Variants in WWOX observed in about 807,000 individuals in gnomAD.
The protein encoded by WWOX is WW domain containing oxidoreductase.
A neutral mutation model predicts 46.2 loss-of-function variants in WWOX; 69 were observed. The observed-to-expected ratio is 1.49, with a 90% CI of 1.23 to 1.82. The LOEUF (loss-of-function observed/expected upper bound fraction) is 1.82. Ranked by LOEUF, WWOX falls within the 40% of genes most tolerant of loss-of-function variation. The pLI is 0.00. For missense variants in WWOX, 919 were observed against 542.6 expected (o/e 1.69, Z -6.89); for synonymous variants, 359 against 202.6 (o/e 1.77, Z -6.56).
At chr16:78,812,358 G>C (rs1277229693) in intron 8 of WWOX, among the ~76,000 whole-genome samples, 2 of 152,050 alleles carry the variant, frequency 1.3e-5, no homozygotes, top group Non-Finnish European at 2.9e-5. Context: ...GATTTAACAT[G>C]ACAGGTCTTA....
chr16:78,607,070 G>C (rs2151625486), intron 8 of WWOX, among the ~76,000 whole-genome samples: 1 of 152,236 alleles, frequency 6.6e-6, no homozygotes, highest in East Asian at 1.9e-4. Flanking sequence ...TGGTGGCCAA[G>C]GGGCTGTGGA....
chr16:78,346,222 G>T (rs57599899), intron 5 of WWOX, among the ~76,000 whole-genome samples: 1 of 120,150 alleles, frequency 8.3e-6, no homozygotes, highest in African/African-American at 2.8e-5. Context: ...CATTGTCATT[G>T]GTGAGTAGTA....
intron 8 of WWOX, among the ~76,000 whole-genome samples, chr16:78,508,199 C>A (rs964370198): frequency 2.0e-5 from 3 of 151,596 alleles, no homozygotes; most frequent in African/African-American, 7.3e-5. Context: ...TTAGTAGAGA[C>A]AGGGTTTCGC....
chr16:78,859,784 T>C (rs751424829), intron 8 of WWOX, among the ~76,000 whole-genome samples: 11 of 152,178 alleles, frequency 7.2e-5, no homozygotes, highest in Middle Eastern at 3.2e-3. Context: ...TGGACATCGA[T>C]AGTTAAGTTT....
intron 5 of WWOX, among the ~76,000 whole-genome samples, chr16:78,170,386 C>A (rs1426924462): frequency 1.3e-5 from 2 of 152,076 alleles, no homozygotes; most frequent in Non-Finnish European, 2.9e-5. Context: ...AAGTCTTAAC[C>A]CATTGTGGAA....
intron 6 of WWOX, among the ~76,000 whole-genome samples, chr16:78,409,496 C>T (rs1170394626): frequency 3.3e-5 from 5 of 152,064 alleles, no homozygotes; most frequent in African/African-American, 1.2e-4. Flanking sequence ...GGATTCCTTC[C>T]CATAGCATAA....
chr16:78,406,614 G>C (rs2082553039), intron 6 of WWOX, among the ~76,000 whole-genome samples: 1 of 148,578 alleles, frequency 6.7e-6, no homozygotes. Flanking sequence ...CTTCCAAAGT[G>C]CTGGGATATA....
intron 8 of WWOX, among the ~76,000 whole-genome samples, chr16:79,086,587 A>C (rs1233456297): frequency 1.3e-5 from 2 of 152,168 alleles, no homozygotes; most frequent in African/African-American, 4.8e-5. Context: ...GTGGATAAAG[A>C]ATTTGTGTCC....
chr16:78,526,796 T>G (rs1391699547), intron 8 of WWOX, among the ~76,000 whole-genome samples: 2 of 152,070 alleles, frequency 1.3e-5, no homozygotes, highest in East Asian at 1.9e-4. Context: ...TTAGGAAATT[T>G]GGGTTGAGGG....
intron 8 of WWOX, among the ~76,000 whole-genome samples, chr16:78,767,698 G>T (rs1365932324): frequency 6.6e-6 from 1 of 152,074 alleles, no homozygotes; most frequent in African/African-American, 2.4e-5. Flanking sequence ...AGTGCATCAG[G>T]ATTCTAGTTG....
At chr16:78,246,557 T>C (rs760570499) in intron 5 of WWOX, among the ~76,000 whole-genome samples, 2 of 152,250 alleles carry the variant, frequency 1.3e-5, no homozygotes, top group Non-Finnish European at 1.5e-5. Context: ...CTGCTGTTCA[T>C]GTATAGCTGG....
At chr16:78,706,058 G>GTTTTTTTT (rs3051058) in intron 8 of WWOX, among the ~76,000 whole-genome samples, 10 of 106,424 alleles carry the variant, frequency 9.4e-5, no homozygotes, top group Non-Finnish European at 1.2e-4. Flanking sequence ...GTTATGGCAG[G>GTTTTTTTT]TTTTTTTTTT....
At chr16:78,534,861 G>A (rs895295705) in intron 8 of WWOX, among the ~76,000 whole-genome samples, 4 of 151,824 alleles carry the variant, frequency 2.6e-5, no homozygotes, top group African/African-American at 9.7e-5. Flanking sequence ...CTACAGGTGC[G>A]CGCTATCATG....
Position 78,653,740 on chromosome 16 carries a change from C to G in WWOX, c.1056+220988C>G, listed in dbSNP as rs578062095. 3.9e-5 allele frequency among the ~76,000 whole-genome samples: 6 copies of G among 152,284 alleles called. No individual in the cohort carries two copies. In the South Asian group the frequency reaches 1.0e-3, roughly 26 times the overall value. On this transcript the variant is annotated intron_variant, in intron 8 of 8. Transcript: ENST00000566780. ...CAGCTGTCCTATGGGCCTCCTAACC[C>G]GAACCTCCACTGGTCATGAAATAAG...
At chr16:78,272,673 C>G (rs1267427307) in intron 5 of WWOX, among the ~76,000 whole-genome samples, 1 of 152,132 alleles carries the variant, frequency 6.6e-6, no homozygotes, top group African/African-American at 2.4e-5. Flanking sequence ...TGTAAAGTAC[C>G]AAGCACCTTG....
chr16:78,255,862 G>A (rs1416024669), intron 5 of WWOX, among the ~76,000 whole-genome samples: 3 of 152,062 alleles, frequency 2.0e-5, no homozygotes, highest in Non-Finnish European at 4.4e-5. Flanking sequence ...AGTAAATCAC[G>A]ACCAGGCACA....
chr16:78,795,423 G>A (rs2050711601), intron 8 of WWOX, among the ~76,000 whole-genome samples: 1 of 152,108 alleles, frequency 6.6e-6, no homozygotes, highest in South Asian at 2.1e-4. Context: ...CTTGAATTGG[G>A]AAGGCTACCC....
intron 8 of WWOX, among the ~76,000 whole-genome samples, chr16:78,870,179 G>A (rs1377732203): frequency 6.6e-6 from 1 of 152,164 alleles, no homozygotes; most frequent in Non-Finnish European, 1.5e-5. Flanking sequence ...CTAACCCTAA[G>A]ATCCTGGATG....
At chr16:78,322,328 C>A (rs1302743120) in intron 5 of WWOX, among the ~76,000 whole-genome samples, 2 of 152,090 alleles carry the variant, frequency 1.3e-5, no homozygotes, top group Non-Finnish European at 2.9e-5. Flanking sequence ...CTTTGACTCC[C>A]TTTGTAATGT....
Sources: gnomAD v4.1 joint callset for allele counts (sites outside exome capture counted in the v4.1 genomes callset) on GRCh38, gnomAD v4.1.1 for gene constraint, MANE v1.5 for transcripts, NCBI Gene and HGNC (gene_info 2026-07-23, HGNC 2026-07-21) for gene names.